RHPN1: variants seen among roughly 807,000 people sequenced by gnomAD.
The protein encoded by RHPN1 is rhophilin-1.
RHPN1 carries 77 observed loss-of-function variants against 74.7 expected under a neutral mutation model. The ratio of observed to expected loss-of-function variants is 1.03; its 90% CI spans 0.86 to 1.25. RHPN1 has a LOEUF of 1.25. RHPN1 is among the 50% of genes most tolerant of loss of function. RHPN1 has a pLI of 0.00. For synonymous variants in RHPN1, 444 were observed against 414.5 expected, an observed-to-expected ratio of 1.07 and a Z score of -0.87; for missense variants, 987 against 932.2, an observed-to-expected ratio of 1.06 and a Z score of -0.77.
intron 3 of RHPN1, 42 bp from the exon 4 acceptor site, chr8:143,377,338 G>A (rs1487964480): frequency 6.4e-7 from 1 of 1,552,066 alleles, no homozygotes; most frequent in East Asian, 2.2e-5. Context: ...GTGGGCAGCA[G>A]GGTTTGGCCT....
chr8:143,380,468 C>G lies in RHPN1; in HGVS notation c.1217-121C>G, dbSNP rs865813997. 39 of 925,920 alleles carry G rather than the reference C, an allele frequency of 4.2e-5. No individual in the cohort carries two copies. The East Asian group carries it at 1.0e-3, about 24-fold the overall frequency. The allele number at this position is 925,920 out of a possible 1,614,324, so 57.4% of individuals were successfully genotyped here. ...CAGCCAGCTCCTCACCCCCGTGGCG[C>G]GCACCCCCAACGAAAGTGGCTGTGA... is the stretch of plus-strand genomic sequence containing the variant. On this transcript the variant is annotated intron_variant, in intron 10 of 14. Coordinates refer to ENST00000289013, the MANE Select transcript of RHPN1 (RefSeq NM_052924.3).
chr8:143,376,731 A>T (rs1162960412), intron 3 of RHPN1, 78 bp downstream of exon 3: 11 of 1,438,134 alleles, frequency 7.6e-6, no homozygotes, highest in Non-Finnish European at 1.0e-5. Context: ...GTGTGCACGC[A>T]TGTGTGTCTC....
At chr8:143,369,157 G>A (rs2130526759) in intron 1 of RHPN1, 110 bp downstream of exon 1, 1 of 810,792 alleles carries the variant, frequency 1.2e-6, no homozygotes, top group Non-Finnish European at 1.8e-6. Flanking sequence ...CATTCGGCCC[G>A]GACGCAGGCA....
In RHPN1 at chr8:143,382,442, C is replaced by T. The variant is rs1203840788; in HGVS notation, c.1804C>T (p.Arg602Cys). The T allele has an allele frequency of 5.8e-6, 9 of 1,562,120 alleles. No individual in the cohort carries two copies. The African/African-American group carries it at 8.2e-5, about 14-fold the overall frequency. ...PSSRLPSLGD[R>C]RPVLLGPRGL... ...GTCTCTGTCCCTGCTGCAGGGGGAC[C>T]GCCGGCCCGTCCTGCTGGGCCCCAG... Residue 602 changes from arginine (R) to cysteine (C), a missense_variant, in exon 15 of 15, where the codon CGC becomes TGC. Coordinates refer to ENST00000289013, the MANE Select transcript of RHPN1 (RefSeq NM_052924.3).
chr8:143,381,782 C>A, intron 13 of RHPN1, 25 bp from the exon 14 acceptor site: 1 of 1,608,416 alleles, frequency 6.2e-7, no homozygotes, highest in African/African-American at 1.3e-5. Flanking sequence ...CCTGTCCCCA[C>A]CTCACCGTCC....
upstream of RHPN1, chr8:143,366,592 C>G (rs1817561278): frequency 6.6e-6 from 1 of 152,070 alleles, no homozygotes; most frequent in Non-Finnish European, 1.5e-5. Flanking sequence ...CGCACACACT[C>G]CAGCCTGGGC....
intron 3 of RHPN1, among the ~76,000 whole-genome samples, chr8:143,376,889 CAT>C (rs1442402033): frequency 3.1e-3 from 70 of 22,538 alleles, no homozygotes; most frequent in South Asian, 4.4e-3. Flanking sequence ...CATGTGTGTG[CAT>C]GCGTCTGTGT....
chr8:143,374,940 C>A (rs989360532), intron 1 of RHPN1, among the ~76,000 whole-genome samples: 3 of 152,230 alleles, frequency 2.0e-5, no homozygotes, highest in Non-Finnish European at 2.9e-5. Flanking sequence ...AGAGTCATTT[C>A]TCTGTGGATA....
At chr8:143,365,183 T>C (rs928064437), upstream of RHPN1, among the ~76,000 whole-genome samples, 1 of 152,108 alleles carries the variant, frequency 6.6e-6, no homozygotes, top group African/African-American at 2.4e-5. Flanking sequence ...ATAAACAGTG[T>C]CAGCAACCTC....
chr8:143,377,919 G>A (rs1818392935), intron 4 of RHPN1, among the ~76,000 whole-genome samples: 1 of 152,232 alleles, frequency 6.6e-6, no homozygotes, highest in Admixed American at 6.5e-5. Flanking sequence ...CCGAGTCACT[G>A]AGTGGCAGAT....
upstream of RHPN1, among the ~76,000 whole-genome samples, chr8:143,365,438 G>A (rs886736828): frequency 2.0e-5 from 3 of 152,202 alleles, no homozygotes; most frequent in Non-Finnish European, 4.4e-5. Flanking sequence ...CTGGTTCAGT[G>A]GTGGCGTTCC....
At chr8:143,380,530 C>A in intron 10 of RHPN1, 59 bp from the exon 11 acceptor site, 2 of 1,407,112 alleles carry the variant, frequency 1.4e-6, no homozygotes, top group Non-Finnish European at 1.9e-6. Flanking sequence ...ACTCCTTCTG[C>A]CACGTCCCAG....
At chr8:143,366,507 CAACA>C (rs1200021570), upstream of RHPN1, 3 of 133,142 alleles carry the variant, frequency 2.3e-5, no homozygotes, top group East Asian at 6.1e-4. Flanking sequence ...CACCCCCCTC[CAACA>C]CACACACACA....
intron 1 of RHPN1, among the ~76,000 whole-genome samples, chr8:143,372,390 C>T (rs1289226127): frequency 6.6e-6 from 1 of 152,178 alleles, no homozygotes; most frequent in African/African-American, 2.4e-5. Flanking sequence ...TGGGCCTCTC[C>T]AGCCCGAGTC....
chr8:143,369,490 TG>T (rs1251178081), intron 1 of RHPN1, among the ~76,000 whole-genome samples: 1 of 152,230 alleles, frequency 6.6e-6, no homozygotes, highest in African/African-American at 2.4e-5. Flanking sequence ...CGAAGCCTCC[TG>T]GGTATGGGAA....
chr8:143,377,506 A>T lies in RHPN1; in HGVS notation c.381+51A>T, dbSNP rs868510028. On this transcript the variant is annotated intron_variant, in intron 4 of 14. Transcript: ENST00000289013. ...GATACACGGCCCTGCCCTGGGACCA[A>T]GGGGGTCTTGGAGGCTTTCTGGTCC... The T allele has an allele frequency of 1.6e-5, 23 of 1,395,278 alleles. 2 individuals carry two copies. In the Middle Eastern group the frequency reaches 4.1e-3, roughly 251 times the overall value. 86.4% of individuals were successfully genotyped at this position (1,395,278 alleles called of 1,614,324 possible).
chr8:143,376,852 G>A (rs1054685851), intron 3 of RHPN1, among the ~76,000 whole-genome samples, 199 bp downstream of exon 3: 3 of 31,750 alleles, frequency 9.4e-5, no homozygotes, highest in African/African-American at 4.9e-4. Flanking sequence ...GTGTGTGTGC[G>A]TGTGTCTCTG....
At chr8:143,372,300 G>A (rs1817879559) in intron 1 of RHPN1, among the ~76,000 whole-genome samples, 1 of 151,822 alleles carries the variant, frequency 6.6e-6, no homozygotes, top group African/African-American at 2.4e-5. Flanking sequence ...GGGAAAGGTA[G>A]GGATGGGAGG....
chr8:143,375,412 T>C lies in RHPN1; in HGVS notation c.61-141T>C, dbSNP rs1586813508. 2.0e-5 allele frequency: 12 copies of C among 589,874 alleles called. No individual in the cohort carries two copies. The East Asian group carries it at 3.0e-4, about 15-fold the overall frequency. The allele number at this position is 589,874 out of a possible 1,614,324, so 36.5% of individuals were successfully genotyped here. ...ACACTAGTTCTGTCCAGCCCCTCCC[T>C]GTGAGGCCAGCTCCAGCCCCAGCGC... On this transcript the variant is annotated intron_variant, in intron 1 of 14. Transcript: ENST00000289013.
Sources: gnomAD v4.1 joint callset for allele counts (sites outside exome capture counted in the v4.1 genomes callset) on GRCh38, gnomAD v4.1.1 for gene constraint, MANE v1.5 for transcripts, NCBI Gene and HGNC (gene_info 2026-07-23, HGNC 2026-07-21) for gene names.